PRR16: variants seen among roughly 807,000 people sequenced by gnomAD.
PRR16 encodes the protein proline rich 16.
In PRR16, 6 loss-of-function variants were observed where a neutral mutation model predicts 18.2. The ratio of observed to expected loss-of-function variants is 0.33; its 90% CI spans 0.18 to 0.65. The LOEUF (loss-of-function observed/expected upper bound fraction) is 0.65, where lower values mean the gene tolerates loss of function less well. PRR16 is among the 30% of genes least tolerant of loss of function. PRR16 has a pLI of 0.74. For synonymous variants in PRR16, 151 were observed against 147.8 expected, an observed-to-expected ratio of 1.02 and a Z score of -0.16; for missense variants, 412 against 376.6, an observed-to-expected ratio of 1.09 and a Z score of -0.78.
At chr5:120,754,499 T>TATATAATATATAGTATATAGTA in the PRR16 span, among the ~76,000 whole-genome samples, 1 of 64,886 alleles carries the variant, frequency 1.5e-5, no homozygotes, top group African/African-American at 7.0e-5. Context: ...AGTATGTATT[T>TATATAATATATAGTATATAGTA]TATTATGTAT....
the PRR16 span, among the ~76,000 whole-genome samples, chr5:120,725,570 G>A: frequency 1.3e-5 from 2 of 151,848 alleles, no homozygotes; most frequent in Admixed American, 1.3e-4. Flanking sequence ...CTAGATGCTT[G>A]GAAAACTGAG....
In PRR16 at chr5:120,500,944, T is replaced by C. The variant is rs572563011; in HGVS notation, c.159+36299T>C. Among the ~76,000 whole-genome samples the C allele has an allele frequency of 1.5e-4, 23 of 152,176 alleles. 1 individual carries two copies. Among genetic ancestry groups the C allele is most frequent in the Admixed American group, 6.5e-5 (1 of 15,298 alleles). On this transcript the variant is annotated intron_variant, in intron 1 of 1. Coordinates refer to ENST00000407149, the MANE Select transcript of PRR16 (RefSeq NM_001300783.2). The stretch of plus-strand genomic sequence containing the variant: ...TAATTATTGGATAACACTCCCTTTT[T>C]TGTTTTTTTCTGATCTTATTCCTAT...
chr5:120,541,926 T>G (rs1348797981), intron 1 of PRR16, among the ~76,000 whole-genome samples: 3 of 148,136 alleles, frequency 2.0e-5, no homozygotes, highest in Non-Finnish European at 4.5e-5. Context: ...CCTTTCCTCT[T>G]TTTTTTTTTA....
At chr5:120,602,665 C>G (rs1225527341) in intron 1 of PRR16, among the ~76,000 whole-genome samples, 2 of 151,866 alleles carry the variant, frequency 1.3e-5, no homozygotes, top group African/African-American at 2.4e-5. Context: ...AATGCTTCAG[C>G]TTTTGCCCAT....
At chr5:120,512,608 A>C (rs1283983940) in intron 1 of PRR16, among the ~76,000 whole-genome samples, 3 of 152,158 alleles carry the variant, frequency 2.0e-5, no homozygotes, top group African/African-American at 7.2e-5. Context: ...AATGTTCGTA[A>C]AGATCTAAGA....
chr5:120,518,864 C>T (rs1386276031), intron 1 of PRR16, among the ~76,000 whole-genome samples: 1 of 152,116 alleles, frequency 6.6e-6, no homozygotes, highest in East Asian at 1.9e-4. Flanking sequence ...ATGGCTGGAA[C>T]TAGAGGAGTC....
At chr5:120,762,656 T>C in the PRR16 span, among the ~76,000 whole-genome samples, 1 of 152,214 alleles carries the variant, frequency 6.6e-6, no homozygotes, top group Non-Finnish European at 1.5e-5. Flanking sequence ...GTTGAATTGC[T>C]TGAGTACCTT....
At chr5:120,680,934 T>C (rs1561613207) in intron 1 of PRR16, among the ~76,000 whole-genome samples, 1 of 152,186 alleles carries the variant, frequency 6.6e-6, no homozygotes, top group Non-Finnish European at 1.5e-5. Context: ...TTCACCTAAG[T>C]TGGTATAGAT....
intron 1 of PRR16, among the ~76,000 whole-genome samples, chr5:120,637,689 G>A (rs751217606): frequency 1.3e-5 from 2 of 152,064 alleles, no homozygotes; most frequent in Non-Finnish European, 2.9e-5. Flanking sequence ...TATACATTGG[G>A]TACAGGGCAC....
intron 1 of PRR16, among the ~76,000 whole-genome samples, chr5:120,626,557 A>T (rs1389837263): frequency 3.3e-5 from 5 of 152,148 alleles, no homozygotes; most frequent in Non-Finnish European, 7.4e-5. Flanking sequence ...AGATTTACTA[A>T]ATAGCATTTA....
chr5:120,615,976 C>G (rs1455679619), intron 1 of PRR16, among the ~76,000 whole-genome samples: 1 of 152,128 alleles, frequency 6.6e-6, no homozygotes, highest in Non-Finnish European at 1.5e-5. Flanking sequence ...ACTAAATATT[C>G]AAGTTATTGT....
chr5:120,611,860 T>C (rs1448356483), intron 1 of PRR16, among the ~76,000 whole-genome samples: 1 of 152,118 alleles, frequency 6.6e-6, no homozygotes, highest in South Asian at 2.1e-4. Context: ...GACCCCAGAA[T>C]GGTAGCTCTA....
At chr5:120,653,630 T>A (rs2150133331) in intron 1 of PRR16, among the ~76,000 whole-genome samples, 1 of 152,132 alleles carries the variant, frequency 6.6e-6, no homozygotes, top group South Asian at 2.1e-4. Flanking sequence ...GACTTAGGCC[T>A]AGGTTTATGG....
At chr5:120,665,638 G>A (rs2150141729) in intron 1 of PRR16, among the ~76,000 whole-genome samples, 1 of 152,162 alleles carries the variant, frequency 6.6e-6, no homozygotes, top group Non-Finnish European at 1.5e-5. Flanking sequence ...TTTTGTGTAA[G>A]GTGTAAGGAA....
chr5:120,749,167 C>T, the PRR16 span, among the ~76,000 whole-genome samples: 1 of 151,890 alleles, frequency 6.6e-6, no homozygotes, highest in African/African-American at 2.4e-5. Flanking sequence ...AACTCATTTT[C>T]ATAGAAAACA....
At chr5:120,697,762 G>A in the PRR16 span, among the ~76,000 whole-genome samples, 5 of 152,068 alleles carry the variant, frequency 3.3e-5, no homozygotes, top group Admixed American at 2.6e-4. Flanking sequence ...AAGGTGCTCA[G>A]TGGGGGTGCT....
chr5:120,639,045 A>G (rs895321873), intron 1 of PRR16, among the ~76,000 whole-genome samples: 3 of 152,076 alleles, frequency 2.0e-5, no homozygotes, highest in Non-Finnish European at 4.4e-5. Context: ...ATTTCAAACG[A>G]GTATGTAGTG....
the PRR16 span, among the ~76,000 whole-genome samples, chr5:120,754,628 T>TATAATAATATATAAAGTATTTATATATA: frequency 9.5e-5 from 11 of 115,806 alleles, 1 homozygote; most frequent in African/African-American, 2.4e-4. Flanking sequence ...TATATTTATA[T>TATAATAATATATAAAGTATTTATATATA]ATAATATATA....
chr5:120,734,830 A>G, the PRR16 span, among the ~76,000 whole-genome samples: 1 of 152,328 alleles, frequency 6.6e-6, no homozygotes, highest in South Asian at 2.1e-4. Flanking sequence ...GAATATCGGT[A>G]CAAATCAAGA....
Sources: gnomAD v4.1 joint callset for allele counts (sites outside exome capture counted in the v4.1 genomes callset) on GRCh38, gnomAD v4.1.1 for gene constraint, MANE v1.5 for transcripts, NCBI Gene and HGNC (gene_info 2026-07-23, HGNC 2026-07-21) for gene names.